The following TMEM178B variants were observed in gnomAD, a reference collection of about 807,000 sequenced individuals.
TMEM178B encodes transmembrane protein 178B.
TMEM178B carries 5 observed loss-of-function variants against 31.0 expected under a neutral mutation model. The observed-to-expected ratio is 0.16, with a 90% confidence interval of 0.08 to 0.34. The LOEUF is 0.34. TMEM178B is among the 10% of genes least tolerant of loss of function. TMEM178B has a pLI of 1.00. For synonymous variants in TMEM178B, 164 were observed against 164.0 expected (o/e 1.00, Z 0.00); for missense variants, 275 against 400.3 (o/e 0.69, Z 2.67).
intron 2 of TMEM178B, among the ~76,000 whole-genome samples, chr7:141,272,685 C>T (rs528311482): frequency 1.5e-3 from 230 of 152,332 alleles, no homozygotes; most frequent in South Asian, 2.9e-3. Context: ...CACATCAGCC[C>T]GTGGGCTGCC....
In TMEM178B at chr7:141,131,442, C is replaced by T. The variant is rs538463010; in HGVS notation, c.382+56750C>T. Among the ~76,000 whole-genome samples, 5 of 152,266 alleles carry T rather than the reference C, an allele frequency of 3.3e-5. No homozygotes were observed. In the South Asian group the frequency reaches 1.0e-3, roughly 32 times the overall value. ...CCCAAAATAAGATGCAGAATGTTTC[C>T]ATCAGCCCATTTATTCTCTCATCAA... On this transcript the variant is annotated intron_variant, in intron 1 of 3. Transcript: ENST00000565468.
intron 1 of TMEM178B, among the ~76,000 whole-genome samples, chr7:141,111,954 A>G (rs1795240565): frequency 6.6e-6 from 1 of 152,228 alleles, no homozygotes; most frequent in African/African-American, 2.4e-5. Context: ...GAAGTTAACA[A>G]TCTTGGCATT....
chr7:141,241,750 A>G (rs35267558), intron 2 of TMEM178B, among the ~76,000 whole-genome samples: 7,697 of 152,288 alleles, frequency 0.051, 276 homozygotes, highest in East Asian at 0.14. Context: ...GAAACACATG[A>G]ACTACATACC....
At chr7:141,210,892 C>T (rs1797042890) in intron 1 of TMEM178B, among the ~76,000 whole-genome samples, 1 of 152,104 alleles carries the variant, frequency 6.6e-6, no homozygotes, top group African/African-American at 2.4e-5. Flanking sequence ...TGAAGCAGAC[C>T]TGCAGAATTT....
At chr7:141,334,415 G>A (rs1288507187) in intron 2 of TMEM178B, among the ~76,000 whole-genome samples, 1 of 152,200 alleles carries the variant, frequency 6.6e-6, no homozygotes, top group Non-Finnish European at 1.5e-5. Context: ...TTGTCTCATA[G>A]AACGTAGTCA....
intron 2 of TMEM178B, among the ~76,000 whole-genome samples, chr7:141,308,523 C>A (rs909137507): frequency 6.6e-6 from 1 of 152,120 alleles, no homozygotes; most frequent in Non-Finnish European, 1.5e-5. Context: ...CTTAGCCTCC[C>A]AAAGTGCTGG....
chr7:141,430,130 G>A (rs571853722), intron 2 of TMEM178B: 1 of 152,300 alleles, frequency 6.6e-6, no homozygotes, highest in Non-Finnish European at 1.5e-5. Context: ...CAGCTCCCTG[G>A]GGTGGATGCA....
intron 1 of TMEM178B, among the ~76,000 whole-genome samples, chr7:141,193,539 T>C (rs1047939245): frequency 2.6e-5 from 4 of 152,206 alleles, no homozygotes; most frequent in South Asian, 2.1e-4. Context: ...TTAGCTCTTA[T>C]GTTTGGGAAG....
At chr7:141,214,881 G>A (rs1797106363) in intron 2 of TMEM178B, among the ~76,000 whole-genome samples, 1 of 152,116 alleles carries the variant, frequency 6.6e-6, no homozygotes, top group Non-Finnish European at 1.5e-5. Flanking sequence ...CGGGCACTTG[G>A]TGTGGGTGAA....
rs535224020 is a variant in TMEM178B at position 141,098,537 on chromosome 7, G to A, written c.382+23845G>A. ...GAAGTTATACTGCCTTCAGATCTCAGCTTTACAGTTTACTATCTGTGTGAC... is the reference window on the plus strand; with the variant it reads ...GAAGTTATACTGCCTTCAGATCTCAACTTTACAGTTTACTATCTGTGTGAC... On this transcript the variant is annotated intron_variant, in intron 1 of 3. Coordinates refer to ENST00000565468, the MANE Select transcript of TMEM178B (RefSeq NM_001195278.2). Among the ~76,000 whole-genome samples, 4 of 152,302 alleles carry A rather than the reference G, an allele frequency of 2.6e-5. No homozygotes were observed. In the South Asian group the frequency reaches 8.3e-4, roughly 32 times the overall value.
chr7:141,366,776 A>G (rs1026354220), intron 2 of TMEM178B, among the ~76,000 whole-genome samples: 3 of 151,426 alleles, frequency 2.0e-5, no homozygotes, highest in Non-Finnish European at 4.4e-5. Flanking sequence ...TCTCCCACTC[A>G]CGTCCTTTCC....
the TMEM178B span, among the ~76,000 whole-genome samples, chr7:141,507,125 G>T: frequency 1.3e-5 from 2 of 152,162 alleles, no homozygotes; most frequent in Non-Finnish European, 1.5e-5. Flanking sequence ...AGTGTCTGCA[G>T]CTTTTCTAGG....
intron 3 of TMEM178B, among the ~76,000 whole-genome samples, chr7:141,448,613 G>T (rs1801804786): frequency 6.6e-6 from 1 of 152,340 alleles, no homozygotes; most frequent in South Asian, 2.1e-4. Flanking sequence ...AGACAGTAAG[G>T]TCAGGCTTTG....
intron 2 of TMEM178B, among the ~76,000 whole-genome samples, chr7:141,372,561 C>G: frequency 6.6e-6 from 1 of 152,178 alleles, no homozygotes; most frequent in South Asian, 2.1e-4. Flanking sequence ...CCTCTCTGAT[C>G]AGAGTCCATT....
At chr7:141,248,012 A>AT (rs1238771463) in intron 2 of TMEM178B, among the ~76,000 whole-genome samples, 2 of 147,940 alleles carry the variant, frequency 1.4e-5, no homozygotes, top group Non-Finnish European at 3.0e-5. Context: ...CTGTTAATGC[A>AT]TATGTGACCA....
intron 1 of TMEM178B, among the ~76,000 whole-genome samples, chr7:141,163,586 C>T (rs1158041303): frequency 1.3e-5 from 2 of 150,602 alleles, no homozygotes; most frequent in East Asian, 3.9e-4. Flanking sequence ...AATCCTGGCT[C>T]ACTGCAACCT....
chr7:141,212,842 CT>C, intron 2 of TMEM178B, 138 bp downstream of exon 2: 1 of 664,234 alleles, frequency 1.5e-6, no homozygotes, highest in Admixed American at 2.8e-5. Context: ...GTGCCAATAT[CT>C]TTGGGTTAGA....
At chr7:141,391,575 T>C (rs1647552305) in intron 2 of TMEM178B, among the ~76,000 whole-genome samples, 1 of 152,116 alleles carries the variant, frequency 6.6e-6, no homozygotes, top group Non-Finnish European at 1.5e-5. Flanking sequence ...GAGTGTACAG[T>C]TCAGTGGTCT....
chr7:141,404,775 G>T (rs371928975), intron 2 of TMEM178B, among the ~76,000 whole-genome samples: 9 of 152,196 alleles, frequency 5.9e-5, no homozygotes, highest in African/African-American at 2.2e-4. Context: ...CCCATTTTAT[G>T]TATAAGGAAA....
Sources: gnomAD v4.1 joint callset for allele counts (sites outside exome capture counted in the v4.1 genomes callset) on GRCh38, gnomAD v4.1.1 for gene constraint, MANE v1.5 for transcripts, NCBI Gene and HGNC (gene_info 2026-07-23, HGNC 2026-07-21) for gene names.